ARIH1: variants seen among roughly 807,000 people sequenced by gnomAD.
ARIH1 encodes the protein ariadne RBR E3 ubiquitin protein ligase 1.
A neutral mutation model predicts 85.0 loss-of-function variants in ARIH1; 8 were observed. The ratio of observed to expected loss-of-function variants is 0.09; its 90% CI spans 0.06 to 0.17. ARIH1 has a LOEUF of 0.17. ARIH1 is among the 10% of genes least tolerant of loss of function. The pLI is 1.00. For synonymous variants in ARIH1, 238 were observed against 253.6 expected (o/e 0.94, Z 0.59); for missense variants, 311 against 718.1 (o/e 0.43, Z 6.48).
chr15:72,524,965 A>T (rs927995829), intron 2 of ARIH1, among the ~76,000 whole-genome samples: 1 of 152,094 alleles, frequency 6.6e-6, no homozygotes, highest in Non-Finnish European at 1.5e-5. Context: ...GCTCACTGCA[A>T]CCTCCGCCTC....
chr15:72,475,012 C>G lies in ARIH1; in HGVS notation c.373C>G (p.Gln125Glu). 2 of 1,554,368 alleles carry G rather than the reference C, an allele frequency of 1.3e-6. No individual in the cohort carries two copies. The highest frequency in any genetic ancestry group is 1.7e-6 in the Non-Finnish European group (2 of 1,148,602). Residue 125 changes from glutamine (Q) to glutamate (E), a missense_variant and splice_region_variant, in exon 1 of 14, where the codon CAG becomes GAG. Physicochemically the swap from Gln to Glu is conservative, Grantham distance 29 (BLOSUM62 2). Transcript: ENST00000379887. ...TATCCGGGAGGTCAACGAGGTCATCCAGGTGAGGGTGGCCGCCGCGCCAGC... is the reference window on the plus strand; with the variant it reads ...TATCCGGGAGGTCAACGAGGTCATCGAGGTGAGGGTGGCCGCCGCGCCAGC... ...ECIREVNEVI[Q>E]NPATITRILL...
In ARIH1 at chr15:72,592,275, C is replaced by CT. The variant is rs1039497922; in HGVS notation, c.*8986dup. Reference sequence around the variant, plus strand: ...TCTCTGGGACACTGGATTGTGTGCTCTTTAAGATAAATTCCATAATCAAGG... The same window carrying CT: ...TCTCTGGGACACTGGATTGTGTGCTCTTTTAAGATAAATTCCATAATCAAGG... On this transcript the variant is annotated 3_prime_UTR_variant, in exon 14 of 14. Coordinates refer to ENST00000379887, the MANE Select transcript of ARIH1 (RefSeq NM_005744.5). 2.0e-5 allele frequency: 3 copies of CT among 152,162 alleles called. No individual in the cohort carries two copies. Among genetic ancestry groups the CT allele is most frequent in the Non-Finnish European group, 4.4e-5 (3 of 68,030 alleles). 9.4% of individuals were successfully genotyped at this position (152,162 alleles called of 1,614,324 possible). A position where few individuals can be genotyped will look rare whatever the true frequency, so the allele number is the denominator to read the frequency against.
chr15:72,475,691 TG>T (rs758576664), intron 1 of ARIH1, among the ~76,000 whole-genome samples: 1 of 152,222 alleles, frequency 6.6e-6, no homozygotes, highest in Non-Finnish European at 1.5e-5. Context: ...TGCTTGAAGC[TG>T]TTGGAATAGT....
intron 2 of ARIH1, among the ~76,000 whole-genome samples, chr15:72,543,099 A>AT (rs1312942371): frequency 6.6e-6 from 1 of 151,166 alleles, no homozygotes; most frequent in African/African-American, 2.4e-5. Context: ...CGCCCAGCTA[A>AT]TTTTTTTGTA....
At chr15:72,544,718 T>A (rs1199443004) in intron 2 of ARIH1, 102 bp from the exon 3 acceptor site, 5 of 1,062,762 alleles carry the variant, frequency 4.7e-6, no homozygotes, top group Non-Finnish European at 6.7e-6. Context: ...TGTTTTATTT[T>A]AATTCAACTT....
At position 72,489,205 on chromosome 15, in the gene ARIH1, G is replaced by A. The variant is rs569953173; in HGVS notation, c.375+14191G>A. 5.2e-5 allele frequency among the ~76,000 whole-genome samples: 7 copies of A among 135,412 alleles called. No individual in the cohort carries two copies. In the South Asian group the frequency reaches 1.2e-3, roughly 23 times the overall value. 88.8% of individuals were successfully genotyped at this position (135,412 alleles called of 152,430 possible). On this transcript the variant is annotated intron_variant, in intron 1 of 13. Transcript: ENST00000379887. ...CAAGGCTGTAGTAAGCCGAGATTGT[G>A]CTACTGCACTCCAGCCTAGGCAACA... is the stretch of plus-strand genomic sequence containing the variant.
At chr15:72,492,691 T>C (rs2063864344) in intron 1 of ARIH1, among the ~76,000 whole-genome samples, 1 of 152,182 alleles carries the variant, frequency 6.6e-6, no homozygotes, top group African/African-American at 2.4e-5. Flanking sequence ...ATGTTGTCTG[T>C]TTTTAATAAT....
chr15:72,501,124 A>C (rs1043450205), intron 1 of ARIH1, among the ~76,000 whole-genome samples: 4 of 152,094 alleles, frequency 2.6e-5, no homozygotes, highest in Non-Finnish European at 5.9e-5. Flanking sequence ...TGTACTGGAG[A>C]TTTACATGGC....
chr15:72,533,764 A>G (rs921388169), intron 2 of ARIH1, among the ~76,000 whole-genome samples: 5 of 152,058 alleles, frequency 3.3e-5, no homozygotes, highest in African/African-American at 1.2e-4. Context: ...ACAATTAGCT[A>G]TGCATGGTGG....
At chr15:72,477,135 A>G (rs746563893) in intron 1 of ARIH1, among the ~76,000 whole-genome samples, 2 of 152,200 alleles carry the variant, frequency 1.3e-5, no homozygotes, top group Admixed American at 6.5e-5. Flanking sequence ...AAGTTATGCT[A>G]GTTTTCCCAA....
In ARIH1 at chr15:72,597,201, A is replaced by G. The variant is rs2140447723; in HGVS notation, c.*13909A>G. ...TTCAGGCCACTTGAATGGTGGCTCA[A>G]TCTGATGTATATGAATTCTAGACTG... On this transcript the variant is annotated 3_prime_UTR_variant, in exon 14 of 14. Transcript: ENST00000379887. The G allele has an allele frequency of 6.6e-6, 1 of 151,912 alleles. No individual in the cohort carries two copies. Among genetic ancestry groups the G allele is most frequent in the African/African-American group, 2.4e-5 (1 of 41,448 alleles). 9.4% of individuals were successfully genotyped at this position (151,912 alleles called of 1,614,324 possible).
intron 2 of ARIH1, among the ~76,000 whole-genome samples, chr15:72,536,179 A>T (rs546120087): frequency 1.3e-5 from 2 of 152,340 alleles, no homozygotes; most frequent in South Asian, 4.1e-4. Context: ...CCTGTATTGT[A>T]CAGATGTTCT....
intron 11 of ARIH1, among the ~76,000 whole-genome samples, chr15:72,580,203 C>T (rs531650015): frequency 1.3e-5 from 2 of 152,242 alleles, no homozygotes; most frequent in East Asian, 3.9e-4. Flanking sequence ...TTTTCTGTGC[C>T]TGGCTTATTT....
chr15:72,573,308 C>T (rs1454944184), intron 11 of ARIH1, among the ~76,000 whole-genome samples: 1 of 152,150 alleles, frequency 6.6e-6, no homozygotes, highest in Admixed American at 6.5e-5. Context: ...CACCTGTAAT[C>T]CCTGCACTTT....
chr15:72,489,483 TCA>T (rs2063850472), intron 1 of ARIH1, among the ~76,000 whole-genome samples: 1 of 152,162 alleles, frequency 6.6e-6, no homozygotes, highest in African/African-American at 2.4e-5. Flanking sequence ...TTCTTCACTA[TCA>T]CACACTCAGA....
At chr15:72,520,631 C>T (rs1001601430) in intron 2 of ARIH1, among the ~76,000 whole-genome samples, 7 of 151,938 alleles carry the variant, frequency 4.6e-5, no homozygotes, top group African/African-American at 1.7e-4. Flanking sequence ...TCCTTTTTCT[C>T]GAATAATTTC....
chr15:72,578,797 C>CT (rs762188608), intron 11 of ARIH1, among the ~76,000 whole-genome samples: 192 of 136,464 alleles, frequency 1.4e-3, no homozygotes, highest in African/African-American at 1.8e-3. Flanking sequence ...TTAAATTTTG[C>CT]TTTTTTTTGT....
At chr15:72,514,017 T>G (rs768041783) in intron 1 of ARIH1, among the ~76,000 whole-genome samples, 5 of 150,664 alleles carry the variant, frequency 3.3e-5, no homozygotes, top group Non-Finnish European at 7.4e-5. Flanking sequence ...TTTTTGTAGT[T>G]TTTGTAGAGA....
intron 1 of ARIH1, among the ~76,000 whole-genome samples, chr15:72,508,798 A>G (rs766164822): frequency 1.3e-4 from 20 of 151,172 alleles, no homozygotes; most frequent in Admixed American, 9.2e-4. Context: ...GGTTCAAGCA[A>G]TTCTCCTGTC....
Sources: gnomAD v4.1 joint callset for allele counts (sites outside exome capture counted in the v4.1 genomes callset) on GRCh38, gnomAD v4.1.1 for gene constraint, MANE v1.5 for transcripts, NCBI Gene and HGNC (gene_info 2026-07-23, HGNC 2026-07-21) for gene names.